ZNF407: variants seen among roughly 807,000 people sequenced by gnomAD.
ZNF407 encodes zinc finger protein 407.
ZNF407 carries 17 observed loss-of-function variants against 131.2 expected under a neutral mutation model. That is an observed-to-expected ratio of 0.13 (90% CI 0.09 to 0.19). The LOEUF is 0.19. Among genes scored for constraint, ZNF407 ranks in the 10% least tolerant of loss-of-function variants. The pLI, the probability that ZNF407 is intolerant of heterozygous loss-of-function variation, is 1.00. For synonymous variants in ZNF407, 1,156 were observed against 1,062.0 expected, an observed-to-expected ratio of 1.09 and a Z score of -1.72; for missense variants, 2,681 against 2,830.6, an observed-to-expected ratio of 0.95 and a Z score of 1.20.
intron 3 of ZNF407, among the ~76,000 whole-genome samples, chr18:74,644,674 T>G (rs939980982): frequency 1.3e-5 from 2 of 151,988 alleles, no homozygotes; most frequent in Non-Finnish European, 2.9e-5. Flanking sequence ...TTTCCATAGC[T>G]TTGTGGATTG....
intron 4 of ZNF407, among the ~76,000 whole-genome samples, chr18:74,871,355 A>C (rs1404184442): frequency 1.3e-5 from 2 of 152,180 alleles, no homozygotes; most frequent in African/African-American, 4.8e-5. Context: ...TTTTATTTCA[A>C]AGAAACTGCC....
chr18:74,835,629 G>GGGTGTGT (rs1269272236), intron 4 of ZNF407, among the ~76,000 whole-genome samples: 2 of 92,200 alleles, frequency 2.2e-5, no homozygotes, highest in South Asian at 7.9e-4. Flanking sequence ...GACAGAGGGG[G>GGGTGTGT]GTGTGTGTGT....
intron 8 of ZNF407, among the ~76,000 whole-genome samples, chr18:74,964,168 C>G (rs1313978125): frequency 6.6e-6 from 1 of 152,196 alleles, no homozygotes; most frequent in Non-Finnish European, 1.5e-5. Flanking sequence ...GTAGCTCCCA[C>G]TGTCGTGTAC....
At chr18:74,906,441 G>T (rs1045181450) in intron 7 of ZNF407, among the ~76,000 whole-genome samples, 6 of 152,136 alleles carry the variant, frequency 3.9e-5, no homozygotes, top group African/African-American at 1.4e-4. Flanking sequence ...GGTTTGTCAG[G>T]TTTACATTCC....
intron 8 of ZNF407, among the ~76,000 whole-genome samples, chr18:75,032,559 G>T (rs539092945): frequency 2.6e-5 from 4 of 152,312 alleles, no homozygotes; most frequent in African/African-American, 9.6e-5. Flanking sequence ...CTCTGGTTTG[G>T]ACTGGCTGCA....
chr18:74,723,392 C>T (rs533095944), intron 3 of ZNF407, among the ~76,000 whole-genome samples: 3 of 152,148 alleles, frequency 2.0e-5, no homozygotes, highest in Non-Finnish European at 2.9e-5. Context: ...TTATGTTGTA[C>T]GGACTCTGGA....
intron 8 of ZNF407, among the ~76,000 whole-genome samples, chr18:75,055,878 T>C (rs768892884): frequency 6.6e-6 from 1 of 152,194 alleles, no homozygotes; most frequent in Non-Finnish European, 1.5e-5. Context: ...CACTAAAAAT[T>C]GCATGGTATA....
intron 3 of ZNF407, among the ~76,000 whole-genome samples, chr18:74,682,688 A>G (rs1314432557): frequency 4.6e-5 from 7 of 152,202 alleles, no homozygotes; most frequent in African/African-American, 1.7e-4. Flanking sequence ...ATAAGAACAT[A>G]TTACAATGGC....
At chr18:74,868,885 A>G (rs1470265695) in intron 4 of ZNF407, among the ~76,000 whole-genome samples, 1 of 152,208 alleles carries the variant, frequency 6.6e-6, no homozygotes, top group Non-Finnish European at 1.5e-5. Flanking sequence ...CCATTGAATC[A>G]TAGGATCCTT....
intron 3 of ZNF407, among the ~76,000 whole-genome samples, chr18:74,779,908 G>A (rs1167272888): frequency 1.3e-5 from 2 of 151,974 alleles, no homozygotes; most frequent in Non-Finnish European, 2.9e-5. Flanking sequence ...ATAGACAATG[G>A]AGGACAGTAG....
chr18:74,674,750 A>G (rs1279978524), intron 3 of ZNF407, among the ~76,000 whole-genome samples: 1 of 152,214 alleles, frequency 6.6e-6, no homozygotes, highest in Non-Finnish European at 1.5e-5. Flanking sequence ...GTGAAACAGC[A>G]ATAGGCAATG....
chr18:74,829,137 A>G (rs1268266230), intron 4 of ZNF407, among the ~76,000 whole-genome samples: 2 of 152,266 alleles, frequency 1.3e-5, no homozygotes, highest in Non-Finnish European at 2.9e-5. Context: ...TACATAAAAT[A>G]AAAAGAACTG....
At chr18:74,625,334 ATGTGTGTG>A (rs72386590) in intron 1 of ZNF407, among the ~76,000 whole-genome samples, 1 of 148,920 alleles carries the variant, frequency 6.7e-6, no homozygotes, top group Non-Finnish European at 1.5e-5. Flanking sequence ...CTCTAAGCAA[ATGTGTGTG>A]TGTGTGTGTG....
intron 8 of ZNF407, among the ~76,000 whole-genome samples, chr18:74,942,654 G>A (rs1453633995): frequency 6.6e-6 from 1 of 152,138 alleles, no homozygotes; most frequent in Non-Finnish European, 1.5e-5. Context: ...GGACCTGCTG[G>A]TCCACGGGGC....
chr18:74,980,856 G>T (rs773826680), intron 8 of ZNF407, among the ~76,000 whole-genome samples: 2 of 152,152 alleles, frequency 1.3e-5, no homozygotes, highest in Non-Finnish European at 2.9e-5. Context: ...CACCGGCTCC[G>T]CTGCGGCCAC....
intron 8 of ZNF407, among the ~76,000 whole-genome samples, chr18:74,931,059 A>G (rs963628111): frequency 6.6e-6 from 1 of 152,244 alleles, no homozygotes. Flanking sequence ...TATCTAGAAC[A>G]TACATTATCT....
chr18:75,052,835 A>G (rs1973517842), intron 8 of ZNF407, among the ~76,000 whole-genome samples: 2 of 152,282 alleles, frequency 1.3e-5, no homozygotes, highest in South Asian at 4.1e-4. Flanking sequence ...GGAAGGACAC[A>G]TGTGCGTGGA....
chr18:74,750,782 C>T (rs1421742628), intron 3 of ZNF407, among the ~76,000 whole-genome samples: 1 of 152,026 alleles, frequency 6.6e-6, no homozygotes, highest in Non-Finnish European at 1.5e-5. Context: ...TTGTGAGAAG[C>T]CATCAAATGT....
At chr18:75,021,386 C>T (rs991935922) in intron 8 of ZNF407, among the ~76,000 whole-genome samples, 2 of 152,072 alleles carry the variant, frequency 1.3e-5, no homozygotes, top group Non-Finnish European at 2.9e-5. Context: ...CCTCCCTCCT[C>T]AGCCTCCTGA....
Sources: allele counts gnomAD v4.1 joint callset (sites outside exome capture counted in the v4.1 genomes callset), GRCh38; gene constraint gnomAD v4.1.1; transcripts MANE v1.5; gene names NCBI Gene and HGNC (gene_info 2026-07-23, HGNC 2026-07-21).